Variants in ASIC2 observed in about 807,000 individuals in gnomAD.
The protein encoded by ASIC2 is acid sensing ion channel subunit 2.
A neutral mutation model predicts 57.3 loss-of-function variants in ASIC2; 25 were observed. That is an observed-to-expected ratio of 0.44 (90% CI 0.32 to 0.61). ASIC2 has a LOEUF of 0.61. ASIC2 is among the 20% of genes least tolerant of loss of function. ASIC2 has a pLI of 0.06. For missense variants in ASIC2, 641 were observed against 738.1 expected, an observed-to-expected ratio of 0.87 and a Z score of 1.52; for synonymous variants, 319 against 307.5, an observed-to-expected ratio of 1.04 and a Z score of -0.39.
At chr17:33,497,293 TG>T (rs1192513908) in intron 1 of ASIC2, among the ~76,000 whole-genome samples, 1 of 152,270 alleles carries the variant, frequency 6.6e-6, no homozygotes, top group Non-Finnish European at 1.5e-5. Context: ...CTTACCTCCC[TG>T]GGCCCCACAT....
At chr17:33,947,465 A>T (rs1904414918) in intron 1 of ASIC2, among the ~76,000 whole-genome samples, 1 of 152,222 alleles carries the variant, frequency 6.6e-6, no homozygotes, top group African/African-American at 2.4e-5. Context: ...GGGAACATAG[A>T]AGAGGAATTG....
At chr17:33,719,620 C>A (rs748885302) in intron 1 of ASIC2, among the ~76,000 whole-genome samples, 4 of 152,178 alleles carry the variant, frequency 2.6e-5, no homozygotes, top group Admixed American at 6.5e-5. Flanking sequence ...CCTTGTACAG[C>A]GCAAACATCA....
chr17:33,747,878 T>G (rs1910314712), intron 1 of ASIC2, among the ~76,000 whole-genome samples: 1 of 152,192 alleles, frequency 6.6e-6, no homozygotes, highest in African/African-American at 2.4e-5. Flanking sequence ...CTCCATCCCC[T>G]GACATCATCC....
At chr17:33,320,755 C>A (rs1300272486) in intron 1 of ASIC2, among the ~76,000 whole-genome samples, 2 of 152,142 alleles carry the variant, frequency 1.3e-5, no homozygotes, top group Non-Finnish European at 2.9e-5. Flanking sequence ...CCTGGAAATG[C>A]AGACTTCATG....
chr17:33,400,692 A>G (rs955852409), intron 1 of ASIC2, among the ~76,000 whole-genome samples: 3 of 152,184 alleles, frequency 2.0e-5, no homozygotes, highest in Admixed American at 6.5e-5. Flanking sequence ...ATTTGATTCC[A>G]TTCCAAGGCC....
intron 1 of ASIC2, among the ~76,000 whole-genome samples, chr17:33,401,411 G>A (rs1910283052): frequency 6.6e-6 from 1 of 151,798 alleles, no homozygotes; most frequent in Non-Finnish European, 1.5e-5. Flanking sequence ...CCCTTCCTTT[G>A]CCTCCATGCC....
chr17:33,821,801 A>G lies in ASIC2; in HGVS notation c.555+334177T>C, dbSNP rs73986801. 7.1e-3 allele frequency among the ~76,000 whole-genome samples: 1,085 copies of G among 152,340 alleles called. 14 individuals are homozygous for G. The highest frequency in any genetic ancestry group is 0.025 in the African/African-American group (1,042 of 41,584). On this transcript the variant is annotated intron_variant, in intron 1 of 9. Coordinates refer to the ASIC2 transcript ENST00000359872. ...GACAGCCCTGATTAAGTTCACACAT[A>G]TTCTTTATCTAAAGAGAAAGATCCT...
chr17:33,759,423 C>G (rs1024383416), intron 1 of ASIC2, among the ~76,000 whole-genome samples: 1 of 152,168 alleles, frequency 6.6e-6, no homozygotes, highest in Admixed American at 6.5e-5. Flanking sequence ...AAACGTACAG[C>G]CTGGCCATGT....
intron 1 of ASIC2, among the ~76,000 whole-genome samples, chr17:33,835,210 C>G (rs573249797): frequency 2.0e-4 from 31 of 152,298 alleles, no homozygotes; most frequent in Non-Finnish European, 3.5e-4. Flanking sequence ...CTGGCTGGAC[C>G]TACTACTGTT....
At chr17:33,325,032 C>T (rs1907017182) in intron 1 of ASIC2, among the ~76,000 whole-genome samples, 1 of 152,176 alleles carries the variant, frequency 6.6e-6, no homozygotes. Flanking sequence ...GGGCTCTGTG[C>T]TTGATGCTTT....
At chr17:33,624,977 G>A (rs1905926617) in intron 1 of ASIC2, among the ~76,000 whole-genome samples, 3 of 152,218 alleles carry the variant, frequency 2.0e-5, no homozygotes, top group Admixed American at 6.5e-5. Flanking sequence ...TAGCCAGCAT[G>A]ACTCTCAGTG....
At chr17:33,215,684 A>G (rs1907450170) in intron 1 of ASIC2, among the ~76,000 whole-genome samples, 1 of 151,158 alleles carries the variant, frequency 6.6e-6, no homozygotes, top group East Asian at 1.9e-4. Context: ...ATTTTCCCAA[A>G]TGTTTTAAAT....
intron 1 of ASIC2, among the ~76,000 whole-genome samples, chr17:33,347,320 G>T (rs1216796567): frequency 6.6e-6 from 1 of 152,198 alleles, no homozygotes; most frequent in Non-Finnish European, 1.5e-5. Context: ...CGTTGCTGTT[G>T]CCTCTGAGTA....
At chr17:33,917,437 C>T (rs1420542818) in intron 1 of ASIC2, among the ~76,000 whole-genome samples, 4 of 152,198 alleles carry the variant, frequency 2.6e-5, no homozygotes, top group Admixed American at 2.6e-4. Context: ...AACCCCTTCA[C>T]ATTCTTTGCA....
intron 1 of ASIC2, among the ~76,000 whole-genome samples, chr17:34,032,572 T>C (rs1459292792): frequency 1.3e-5 from 2 of 152,144 alleles, no homozygotes; most frequent in Non-Finnish European, 2.9e-5. Flanking sequence ...ACTGGCAAAT[T>C]GGATAAAGAG....
chr17:33,479,875 C>A (rs988972103), intron 1 of ASIC2, among the ~76,000 whole-genome samples: 5 of 152,172 alleles, frequency 3.3e-5, no homozygotes, highest in Non-Finnish European at 5.9e-5. Flanking sequence ...GCTCCCGGAA[C>A]CCTGGTTCAT....
At chr17:33,112,354 C>T (rs2092262073) in intron 1 of ASIC2, among the ~76,000 whole-genome samples, 2 of 152,160 alleles carry the variant, frequency 1.3e-5, no homozygotes, top group South Asian at 4.1e-4. Flanking sequence ...TGTTCACTTC[C>T]AGGCATTAAA....
At chr17:33,504,924 TG>T (rs1430677475) in intron 1 of ASIC2, among the ~76,000 whole-genome samples, 1 of 152,152 alleles carries the variant, frequency 6.6e-6, no homozygotes, top group East Asian at 1.9e-4. Context: ...TGTGGGGCTA[TG>T]GGGGTGAGGG....
chr17:33,760,709 A>G (rs960816096), intron 1 of ASIC2, among the ~76,000 whole-genome samples: 3 of 152,098 alleles, frequency 2.0e-5, no homozygotes, highest in Non-Finnish European at 2.9e-5. Context: ...TATATACATA[A>G]TTATAAGGTG....
Sources: gnomAD v4.1 joint callset for allele counts (sites outside exome capture counted in the v4.1 genomes callset) on GRCh38, gnomAD v4.1.1 for gene constraint, MANE v1.5 for transcripts, NCBI Gene and HGNC (gene_info 2026-07-23, HGNC 2026-07-21) for gene names.